The following TTLL5 variants were observed in gnomAD, a reference collection of about 807,000 sequenced individuals.
The protein encoded by TTLL5 is tubulin tyrosine ligase like 5.
In TTLL5, 132 loss-of-function variants were observed where a neutral mutation model predicts 168.4. That is an observed-to-expected ratio of 0.78 (90% CI 0.68 to 0.91). The LOEUF (loss-of-function observed/expected upper bound fraction) is 0.91. Ranked by LOEUF, TTLL5 falls within the 40% of genes least tolerant of loss-of-function variation. The pLI is 0.00. For missense variants in TTLL5, 1,545 were observed against 1,581.5 expected (o/e 0.98, Z 0.39); for synonymous variants, 546 against 558.6 (o/e 0.98, Z 0.32).
At chr14:75,816,974 A>ATTTTTTTTT (rs35736530) in intron 27 of TTLL5, among the ~76,000 whole-genome samples, 14 of 96,082 alleles carry the variant, frequency 1.5e-4, no homozygotes, top group East Asian at 6.3e-4. Flanking sequence ...TCCCTGTCTT[A>ATTTTTTTTT]TTTTTTTTTT....
intron 28 of TTLL5, chr14:75,838,145 G>C (rs535160161): frequency 1.3e-5 from 2 of 152,242 alleles, no homozygotes; most frequent in East Asian, 3.9e-4. Flanking sequence ...GTTGGAGCCT[G>C]CATCCTTTGC....
chr14:75,924,428 CG>C, intron 31 of TTLL5, among the ~76,000 whole-genome samples: 1 of 151,810 alleles, frequency 6.6e-6, no homozygotes, highest in African/African-American at 2.4e-5. Context: ...GAGGACCCTG[CG>C]GCCTTCCGCA....
At chr14:75,745,611 T>G (rs1323325276) in intron 17 of TTLL5, 30 bp downstream of exon 17, 5 of 1,565,528 alleles carry the variant, frequency 3.2e-6, no homozygotes, top group Non-Finnish European at 4.4e-6. Flanking sequence ...TTTTTATTCT[T>G]TACCTGAGGT....
At chr14:75,887,708 A>G (rs2032190817) in intron 30 of TTLL5, among the ~76,000 whole-genome samples, 1 of 152,198 alleles carries the variant, frequency 6.6e-6, no homozygotes, top group Non-Finnish European at 1.5e-5. Flanking sequence ...GTCCCTGCCA[A>G]TCTATTCATC....
chr14:75,909,036 C>A (rs1285654939), intron 31 of TTLL5, among the ~76,000 whole-genome samples: 8 of 152,106 alleles, frequency 5.3e-5, no homozygotes, highest in African/African-American at 1.9e-4. Flanking sequence ...CCTTGGCCTC[C>A]CAAAGTGCTG....
chr14:75,682,490 G>C (rs1324883627), intron 4 of TTLL5, among the ~76,000 whole-genome samples: 1 of 152,104 alleles, frequency 6.6e-6, no homozygotes, highest in Admixed American at 6.6e-5. Context: ...GTCTTTCCTT[G>C]CTCAAAAATC....
At chr14:75,666,699 T>C (rs1883288592) in intron 2 of TTLL5, among the ~76,000 whole-genome samples, 1 of 152,164 alleles carries the variant, frequency 6.6e-6, no homozygotes, top group South Asian at 2.1e-4. Flanking sequence ...AAGGCATTTC[T>C]AATAGGGGTA....
rs572679785 is a variant in TTLL5 at position 75,861,403 on chromosome 14, G to C, written c.3327-2264G>C. Among the ~76,000 whole-genome samples, 17 of 152,254 alleles carry C rather than the reference G, an allele frequency of 1.1e-4. No homozygotes were observed. The South Asian group carries it at 3.5e-3, about 32-fold the overall frequency. On this transcript the variant is annotated intron_variant, in intron 28 of 31. Coordinates refer to ENST00000298832, the MANE Select transcript of TTLL5 (RefSeq NM_015072.5). ...CAGAGGAGCATGGACTTCTGAGCTTGGCAAACATTTCACTTTGCTCCCTCC... is the reference window on the plus strand; with the variant it reads ...CAGAGGAGCATGGACTTCTGAGCTTCGCAAACATTTCACTTTGCTCCCTCC...
intron 13 of TTLL5, among the ~76,000 whole-genome samples, chr14:75,733,005 C>T (rs553708306): frequency 2.6e-5 from 4 of 152,316 alleles, no homozygotes; most frequent in Non-Finnish European, 4.4e-5. Flanking sequence ...AATTTCTGTT[C>T]GCTGTACACT....
intron 18 of TTLL5, chr14:75,757,827 G>A: frequency 1.3e-6 from 2 of 1,590,968 alleles, no homozygotes; most frequent in Non-Finnish European, 1.7e-6. Flanking sequence ...TTCTGCTTCT[G>A]TAGGGGAAAC....
At chr14:75,914,237 T>A (rs1193354729) in intron 31 of TTLL5, among the ~76,000 whole-genome samples, 1 of 151,588 alleles carries the variant, frequency 6.6e-6, no homozygotes, top group Non-Finnish European at 1.5e-5. Flanking sequence ...TATCACTGCT[T>A]ACTTTTTGGG....
intron 2 of TTLL5, among the ~76,000 whole-genome samples, chr14:75,667,083 T>C (rs1368157464): frequency 6.6e-6 from 1 of 152,160 alleles, no homozygotes; most frequent in African/African-American, 2.4e-5. Context: ...TTTTTTTAGC[T>C]GACCTTACTG....
chr14:75,721,887 G>A (rs1195186143), intron 12 of TTLL5, among the ~76,000 whole-genome samples: 3 of 152,170 alleles, frequency 2.0e-5, no homozygotes, highest in Non-Finnish European at 4.4e-5. Flanking sequence ...ATAGAAGATG[G>A]TAGATAAATC....
chr14:75,831,807 A>G (rs1040487206), intron 28 of TTLL5, among the ~76,000 whole-genome samples: 3 of 152,154 alleles, frequency 2.0e-5, no homozygotes, highest in Non-Finnish European at 2.9e-5. Context: ...TACACAATGG[A>G]GCTTGGCTGT....
At chr14:75,804,270 A>G (rs1191653150) in intron 27 of TTLL5, among the ~76,000 whole-genome samples, 2 of 152,196 alleles carry the variant, frequency 1.3e-5, no homozygotes, top group East Asian at 3.9e-4. Context: ...ATAGATGCGG[A>G]GGTACATAAA....
At chr14:75,737,807 G>A (rs1889002554) in intron 15 of TTLL5, among the ~76,000 whole-genome samples, 1 of 152,044 alleles carries the variant, frequency 6.6e-6, no homozygotes, top group Admixed American at 6.6e-5. Flanking sequence ...AGGAACTTAG[G>A]GATCCTCTTT....
chr14:75,681,412 G>A (rs1054979073), intron 3 of TTLL5, 133 bp from the exon 4 acceptor site: 23 of 684,862 alleles, frequency 3.4e-5, no homozygotes, highest in African/African-American at 1.8e-4. Context: ...TCCAAAATAC[G>A]TTCAACTTAT....
In TTLL5 at chr14:75,750,542, T is replaced by C. The variant is rs572533978; in HGVS notation, c.1488-2351T>C. On this transcript the variant is annotated intron_variant, in intron 17 of 31. Coordinates refer to ENST00000298832, the MANE Select transcript of TTLL5 (RefSeq NM_015072.5). ...TCTCTAGCTTACTTTATTGTAAGAATACAGTATGTAATACATATAACATGC... is the reference window on the plus strand; with the variant it reads ...TCTCTAGCTTACTTTATTGTAAGAACACAGTATGTAATACATATAACATGC... 7.2e-5 allele frequency among the ~76,000 whole-genome samples: 11 copies of C among 151,940 alleles called. No homozygotes were observed. In the East Asian group the frequency reaches 2.1e-3, roughly 29 times the overall value.
At chr14:75,785,509 A>G (rs1369937022) in intron 26 of TTLL5, among the ~76,000 whole-genome samples, 3 of 151,930 alleles carry the variant, frequency 2.0e-5, no homozygotes, top group Non-Finnish European at 4.4e-5. Flanking sequence ...AGACTCTTAC[A>G]TTTAGGTCTT....
Sources: gnomAD v4.1 joint callset for allele counts (sites outside exome capture counted in the v4.1 genomes callset) on GRCh38, gnomAD v4.1.1 for gene constraint, MANE v1.5 for transcripts, NCBI Gene and HGNC (gene_info 2026-07-23, HGNC 2026-07-21) for gene names.